The following FRAS1 variants were observed in gnomAD, a reference collection of about 807,000 sequenced individuals.
The protein encoded by FRAS1 is Fraser extracellular matrix complex subunit 1, also known as extracellular matrix organizing protein FRAS1.
Under a neutral mutation model 435.2 loss-of-function variants are expected in FRAS1, and 290 were observed. The ratio of observed to expected loss-of-function variants is 0.67; its 90% confidence interval spans 0.61 to 0.73. The LOEUF is 0.73. Ranked by LOEUF, FRAS1 falls within the 30% of genes least tolerant of loss-of-function variation. The pLI, the probability that FRAS1 is intolerant of heterozygous loss-of-function variation, is 0.00. For missense variants in FRAS1, 4,860 were observed against 5,001.5 expected, an observed-to-expected ratio of 0.97 and a Z score of 0.85; for synonymous variants, 1,800 against 1,851.0, an observed-to-expected ratio of 0.97 and a Z score of 0.71.
intron 2 of FRAS1, among the ~76,000 whole-genome samples, chr4:78,147,244 C>T (rs1720456528): frequency 6.6e-6 from 1 of 152,148 alleles, no homozygotes; most frequent in African/African-American, 2.4e-5. Context: ...TGAGTTTACA[C>T]TCTCTCAGAT....
chr4:78,424,603 T>G (rs1270053576), intron 35 of FRAS1, among the ~76,000 whole-genome samples, 183 bp downstream of exon 35: 2 of 152,200 alleles, frequency 1.3e-5, no homozygotes, highest in African/African-American at 4.8e-5. Context: ...TAGTAATAGC[T>G]TAACTTTATA....
At chr4:78,438,501 C>A (rs1734517080) in intron 38 of FRAS1, 69 bp from the exon 39 acceptor site, 2 of 1,501,592 alleles carry the variant, frequency 1.3e-6, no homozygotes, top group Non-Finnish European at 1.8e-6. Context: ...ACCCATAGAT[C>A]TTTAGCTACT....
rs986391779 is a variant in FRAS1 at position 78,283,050 on chromosome 4, C to CTTTTTA, written c.1255+87_1255+88insTATTTT. On this transcript the variant is annotated intron_variant, in intron 12 of 73. Transcript: ENST00000512123. Reference sequence around the variant, plus strand: ...GATCCTCTTCCCCACCCCCTTGCTTCTTTTCATTTTTATTTTTAGTTAACC... The same window carrying CTTTTTA: ...GATCCTCTTCCCCACCCCCTTGCTTCTTTTTATTTTCATTTTTATTTTTAGTTAACC... The CTTTTTA allele has an allele frequency of 4.6e-6, 5 of 1,081,562 alleles. No individual in the cohort carries two copies. The Admixed American group carries it at 2.0e-4, about 44-fold the overall frequency. The allele number at this position is 1,081,562 out of a possible 1,614,324, so 67.0% of individuals were successfully genotyped here.
At chr4:78,267,054 A>G in intron 8 of FRAS1, 119 bp downstream of exon 8, 2 of 916,224 alleles carry the variant, frequency 2.2e-6, no homozygotes, top group East Asian at 2.6e-5. Flanking sequence ...TTGCAAAGTT[A>G]CATAAAGATA....
In FRAS1 at chr4:78,445,729, T is replaced by C. The variant is rs759260729; in HGVS notation, c.5856+17T>C. The stretch of plus-strand genomic sequence containing the variant: ...ACCATTGAGGTAAAGACTTTGGAAG[T>C]TGGAAAGGTTGAGCCCTTGACCACA... On this transcript the variant is annotated intron_variant, in intron 42 of 73. Transcript: ENST00000512123. The C allele has an allele frequency of 9.9e-6, 16 of 1,613,524 alleles. No homozygotes were observed. The East Asian group carries it at 1.6e-4, about 16-fold the overall frequency.
At chr4:78,314,089 G>GTT (rs150579350) in intron 15 of FRAS1, among the ~76,000 whole-genome samples, 1 of 151,366 alleles carries the variant, frequency 6.6e-6, no homozygotes, top group South Asian at 2.1e-4. Context: ...ACCTGTACTA[G>GTT]TTTTTTTTTC....
At chr4:78,307,603 G>A (rs907683341) in intron 14 of FRAS1, among the ~76,000 whole-genome samples, 3 of 152,246 alleles carry the variant, frequency 2.0e-5, no homozygotes, top group South Asian at 2.1e-4. Flanking sequence ...ATTCGGGTGG[G>A]AGTGACCCGA....
rs534157522 is a variant in FRAS1, at chr4:78,307,130, G to A, written c.1535-936G>A. Among the ~76,000 whole-genome samples the A allele has an allele frequency of 1.9e-3, 284 of 152,160 alleles. 2 individuals are homozygous for A. The highest frequency in any genetic ancestry group is 0.017 in the Middle Eastern group (5 of 288). ...TCTGTTGGAGTACCCGGCACTGTGA[G>A]GTGTCAGTCTGCCCCTGCTGGGGGG... On this transcript the variant is annotated intron_variant, in intron 14 of 73. Transcript: ENST00000512123.
At chr4:78,314,844 T>G (rs1006516604) in intron 15 of FRAS1, among the ~76,000 whole-genome samples, 1 of 151,972 alleles carries the variant, frequency 6.6e-6, no homozygotes, top group African/African-American at 2.4e-5. Flanking sequence ...TTCTTGACTT[T>G]TCCACCTCTT....
At chr4:78,146,194 A>G (rs943855274) in intron 2 of FRAS1, among the ~76,000 whole-genome samples, 14 of 152,152 alleles carry the variant, frequency 9.2e-5, no homozygotes, top group African/African-American at 3.1e-4. Context: ...ATAGTAAAAT[A>G]AGTCTTGTAG....
chr4:78,375,772 G>C lies in FRAS1; in HGVS notation c.3185G>C (p.Arg1062Thr). The C allele has an allele frequency of 6.2e-7, 1 of 1,608,970 alleles. No homozygotes were observed. Among genetic ancestry groups the C allele is most frequent in the South Asian group, 1.1e-5 (1 of 90,104 alleles). Reference protein sequence around the residue: ...CPQGCLQCSHRDRCHLCDHGF... With the variant: ...CPQGCLQCSHTDRCHLCDHGF... ...CAGGGGTGCTTGCAGTGCAGCCACA[G>C]GGACCGTTGTCACCTCTGTGACCAT... The change falls in exon 26 of 74, where the codon AGG (arginine) becomes ACG (threonine). Residue 1062 changes from arginine (R) to threonine (T), a missense_variant. Physicochemically the swap from Arg to Thr is moderately conservative, Grantham distance 71. Transcript: ENST00000512123.
chr4:78,127,813 T>TATGTATACCTCATGTGCC (rs1462380439), intron 2 of FRAS1, among the ~76,000 whole-genome samples: 1 of 152,038 alleles, frequency 6.6e-6, no homozygotes, highest in Admixed American at 6.6e-5. Flanking sequence ...GTTTGTTACA[T>TATGTATACCTCATGTGCC]ATGTATACCT....
Position 78,496,820 on chromosome 4 carries a change from G to T in FRAS1, c.8974G>T (p.Val2992Phe). 2 of 1,613,718 alleles carry T rather than the reference G, an allele frequency of 1.2e-6. No homozygotes were observed. The highest frequency in any genetic ancestry group is 1.7e-6 in the Non-Finnish European group (2 of 1,179,728). ...LKGDKVKNCT[V>F]YIHDDSMFEP... ...TTGGCTCTAGGTGAAGAACTGTACG[G>T]TCTATATCCACGATGACTCCATGTT... The change falls in exon 60 of 74, where the codon GTC becomes TTC. Residue 2992 changes from valine to phenylalanine, a missense_variant. Val to Phe is a conservative substitution (Grantham distance 50, BLOSUM62 -1). Coordinates refer to ENST00000512123, the MANE Select transcript of FRAS1 (RefSeq NM_025074.7).
chr4:78,427,027 T>C (rs1167917023), intron 35 of FRAS1, among the ~76,000 whole-genome samples: 3 of 152,234 alleles, frequency 2.0e-5, no homozygotes. Flanking sequence ...CTCCCTGGTA[T>C]GGTTTGAATG....
intron 2 of FRAS1, among the ~76,000 whole-genome samples, chr4:78,161,742 CAAAAA>C (rs71214399): frequency 1.6e-3 from 40 of 24,884 alleles, no homozygotes; most frequent in African/African-American, 7.5e-3. Flanking sequence ...AACTCTGTCT[CAAAAA>C]AAAAAAAAAA....
At chr4:78,139,778 A>G (rs1462313901) in intron 2 of FRAS1, among the ~76,000 whole-genome samples, 1 of 152,216 alleles carries the variant, frequency 6.6e-6, no homozygotes, top group East Asian at 1.9e-4. Flanking sequence ...GAATTATGCT[A>G]AATAGTGCAT....
At chr4:78,361,800 A>G (rs1161204079) in intron 20 of FRAS1, among the ~76,000 whole-genome samples, 2 of 152,326 alleles carry the variant, frequency 1.3e-5, no homozygotes, top group East Asian at 3.9e-4. Context: ...AGCGAGTACA[A>G]ACAAATGCTT....
intron 4 of FRAS1, among the ~76,000 whole-genome samples, chr4:78,249,789 T>G (rs941903677): frequency 6.6e-6 from 1 of 152,106 alleles, no homozygotes; most frequent in Non-Finnish European, 1.5e-5. Flanking sequence ...GAACGACAAC[T>G]TTGGTGATTG....
intron 26 of FRAS1, 25 bp from the exon 27 acceptor site, chr4:78,379,701 A>G: frequency 6.3e-7 from 1 of 1,598,486 alleles, no homozygotes; most frequent in Non-Finnish European, 8.5e-7. Context: ...CATAAGCTTG[A>G]CCTTTGGATT....
Sources: allele counts gnomAD v4.1 joint callset (sites outside exome capture counted in the v4.1 genomes callset), GRCh38; gene constraint gnomAD v4.1.1; transcripts MANE v1.5; gene names NCBI Gene and HGNC (gene_info 2026-07-23, HGNC 2026-07-21).